Variants in DISC1 observed in about 807,000 individuals in gnomAD.
DISC1 encodes disrupted in schizophrenia 1 protein.
Under a neutral mutation model 84.5 loss-of-function variants are expected in DISC1, and 57 were observed. The ratio of observed to expected loss-of-function variants is 0.67; its 90% confidence interval spans 0.55 to 0.84. The LOEUF is 0.84. Ranked by LOEUF, DISC1 falls within the 40% of genes least tolerant of loss-of-function variation. DISC1 has a pLI of 0.00. For synonymous variants in DISC1, 411 were observed against 415.2 expected, an observed-to-expected ratio of 0.99 and a Z score of 0.12; for missense variants, 1,000 against 1,057.8, an observed-to-expected ratio of 0.95 and a Z score of 0.76.
At chr1:231,934,484 A>G (rs1034925285) in intron 9 of DISC1, among the ~76,000 whole-genome samples, 5 of 152,246 alleles carry the variant, frequency 3.3e-5, no homozygotes, top group Admixed American at 2.6e-4. Flanking sequence ...GACACAACAT[A>G]GCACAGATAA....
intron 9 of DISC1, among the ~76,000 whole-genome samples, chr1:231,903,631 G>T (rs1051747907): frequency 6.6e-6 from 1 of 152,114 alleles, no homozygotes; most frequent in Non-Finnish European, 1.5e-5. Flanking sequence ...AGCAGCAGAC[G>T]AACAGTGTGG....
intron 3 of DISC1, among the ~76,000 whole-genome samples, chr1:231,739,961 G>T (rs1288889860): frequency 1.3e-5 from 2 of 152,190 alleles, no homozygotes; most frequent in Non-Finnish European, 2.9e-5. Flanking sequence ...GTATTAGGAG[G>T]TGGAGTGTTT....
At chr1:231,822,136 G>A (rs753860663) in intron 9 of DISC1, among the ~76,000 whole-genome samples, 2 of 152,254 alleles carry the variant, frequency 1.3e-5, no homozygotes, top group Non-Finnish European at 2.9e-5. Context: ...CAGCTATAAA[G>A]GAAACCGACG....
chr1:231,809,467 T>C (rs966388248), intron 8 of DISC1, among the ~76,000 whole-genome samples: 1 of 151,102 alleles, frequency 6.6e-6, no homozygotes, highest in African/African-American at 2.4e-5. Flanking sequence ...CAAATAATTA[T>C]TTATTTTAAA....
chr1:231,627,779 AAGG>A (rs1415748939), intron 1 of DISC1, among the ~76,000 whole-genome samples: 1 of 152,300 alleles, frequency 6.6e-6, no homozygotes, highest in Admixed American at 6.5e-5. Context: ...CTGAAATGTA[AAGG>A]AGAACACTCA....
chr1:231,831,426 T>C lies in DISC1; in HGVS notation c.1981+12909T>C, dbSNP rs533187615. On this transcript the variant is annotated intron_variant, in intron 9 of 12. Coordinates refer to ENST00000439617, the MANE Select transcript of DISC1 (RefSeq NM_018662.3). ...GATATTTTCCTTGGTCTAAGAACCATTTGCCTTGTGTGGGAAGAGACTGAT... is the reference window on the plus strand; with the variant it reads ...GATATTTTCCTTGGTCTAAGAACCACTTGCCTTGTGTGGGAAGAGACTGAT... Among the ~76,000 whole-genome samples the C allele has an allele frequency of 6.6e-5, 10 of 152,280 alleles. No homozygotes were observed. In the East Asian group the frequency reaches 1.9e-3, roughly 29 times the overall value.
chr1:231,731,062 G>C (rs1275458269), intron 3 of DISC1, among the ~76,000 whole-genome samples: 1 of 152,126 alleles, frequency 6.6e-6, no homozygotes, highest in Non-Finnish European at 1.5e-5. Flanking sequence ...TGGGAAAATG[G>C]AAGTTCTAGG....
intron 3 of DISC1, among the ~76,000 whole-genome samples, chr1:231,745,952 G>A (rs1177852159): frequency 2.6e-5 from 4 of 152,078 alleles, no homozygotes; most frequent in Non-Finnish European, 4.4e-5. Flanking sequence ...AAAGAGCCTG[G>A]CATTTCTTGC....
intron 10 of DISC1, among the ~76,000 whole-genome samples, chr1:232,002,595 G>GCACACACACACA (rs55740228): frequency 3.5e-5 from 5 of 143,626 alleles, no homozygotes; most frequent in African/African-American, 7.8e-5. Flanking sequence ...ATTATGCTGA[G>GCACACACACACA]CACACACACA....
In DISC1 at chr1:232,036,942, C is replaced by A. The variant is rs1490276916; in HGVS notation, c.*111C>A. ...CTGAATCAATTACGGAGATACAGAG[C>A]CTTGAGGTCTTTCAGTGGAAAGGTG... On this transcript the variant is annotated 3_prime_UTR_variant, in exon 13 of 13. Coordinates refer to ENST00000439617, the MANE Select transcript of DISC1 (RefSeq NM_018662.3). The A allele has an allele frequency of 2.5e-6, 3 of 1,215,464 alleles. No individual in the cohort carries two copies. Among genetic ancestry groups the A allele is most frequent in the East Asian group, 2.8e-5 (1 of 35,780 alleles). The allele number at this position is 1,215,464 out of a possible 1,614,324, so 75.3% of individuals were successfully genotyped here.
In DISC1 at chr1:231,987,797, A is replaced by G. The variant is rs968073630; in HGVS notation, c.2043-20988A>G. ...TGTCTGAGCTTGTTTTGTGACGTGTATGTTACCACATGTATTAAAATTCAG... is the reference window on the plus strand; with the variant it reads ...TGTCTGAGCTTGTTTTGTGACGTGTGTGTTACCACATGTATTAAAATTCAG... On this transcript the variant is annotated intron_variant, in intron 10 of 12. Coordinates refer to ENST00000439617, the MANE Select transcript of DISC1 (RefSeq NM_018662.3). 6.6e-5 allele frequency among the ~76,000 whole-genome samples: 10 copies of G among 152,322 alleles called. No individual in the cohort carries two copies. In the East Asian group the frequency reaches 1.5e-3, roughly 24 times the overall value.
chr1:231,639,190 C>A (rs147726114), intron 1 of DISC1, among the ~76,000 whole-genome samples: 3 of 152,100 alleles, frequency 2.0e-5, no homozygotes, highest in African/African-American at 7.2e-5. Flanking sequence ...CACAAGCACA[C>A]TTTTCATGTA....
chr1:232,035,977 C>A (rs1670481704), intron 12 of DISC1, among the ~76,000 whole-genome samples: 1 of 152,060 alleles, frequency 6.6e-6, no homozygotes. Context: ...ACTAAGAGCC[C>A]AACAGCTTAA....
intron 9 of DISC1, among the ~76,000 whole-genome samples, chr1:231,832,849 T>TG (rs2082341499): frequency 6.8e-6 from 1 of 146,838 alleles, no homozygotes; most frequent in African/African-American, 2.6e-5. Context: ...ACAGGTAAAA[T>TG]GGGGGAATTA....
intron 1 of DISC1, among the ~76,000 whole-genome samples, 165 bp from the exon 2 acceptor site, chr1:231,693,661 C>G (rs1349585944): frequency 6.6e-6 from 1 of 152,132 alleles, no homozygotes; most frequent in Non-Finnish European, 1.5e-5. Flanking sequence ...TGAGGATTGT[C>G]AGGATTTACA....
intron 12 of DISC1, among the ~76,000 whole-genome samples, chr1:232,036,391 G>T (rs2103072526): frequency 6.6e-6 from 1 of 152,292 alleles, no homozygotes; most frequent in Non-Finnish European, 1.5e-5. Flanking sequence ...CACGCCAACT[G>T]CATATCATTG....
intron 11 of DISC1, among the ~76,000 whole-genome samples, chr1:232,024,100 T>C (rs577975505): frequency 7.2e-5 from 11 of 151,910 alleles, no homozygotes; most frequent in African/African-American, 2.7e-4. Context: ...TTTTATGTAT[T>C]TGCTGTCTTC....
intron 10 of DISC1, among the ~76,000 whole-genome samples, chr1:231,986,426 C>A (rs1380727754): frequency 6.6e-6 from 1 of 152,130 alleles, no homozygotes; most frequent in African/African-American, 2.4e-5. Context: ...CCCTTTTATT[C>A]TTTTATGACA....
At chr1:231,971,684 A>G (rs71638410) in intron 10 of DISC1, among the ~76,000 whole-genome samples, 3,525 of 152,186 alleles carry the variant, frequency 0.023, 56 homozygotes, top group South Asian at 0.038. Flanking sequence ...TGGGTTCTAA[A>G]TCCCTTATCA....
Sources: allele counts gnomAD v4.1 joint callset (sites outside exome capture counted in the v4.1 genomes callset), GRCh38; gene constraint gnomAD v4.1.1; transcripts MANE v1.5; gene names NCBI Gene and HGNC (gene_info 2026-07-23, HGNC 2026-07-21).